Variants in KIF6 observed in about 807,000 individuals in gnomAD.
The protein encoded by KIF6 is kinesin-like protein KIF6.
Under a neutral mutation model 112.7 loss-of-function variants are expected in KIF6, and 106 were observed. The observed-to-expected ratio is 0.94, with a 90% CI of 0.80 to 1.11. The LOEUF (loss-of-function observed/expected upper bound fraction) is 1.11. Among genes scored for constraint, KIF6 ranks in the 50% least tolerant of loss-of-function variants. KIF6 has a pLI of 0.00. For synonymous variants in KIF6, 339 were observed against 339.9 expected (o/e 1.00, Z 0.03); for missense variants, 929 against 964.0 (o/e 0.96, Z 0.48).
intron 4 of KIF6, among the ~76,000 whole-genome samples, chr6:39,637,801 G>A (rs1280093079): frequency 6.6e-6 from 1 of 152,002 alleles, no homozygotes; most frequent in Admixed American, 6.6e-5. Flanking sequence ...ATGAAAATAT[G>A]TTCATTTACA....
chr6:39,568,051 A>G (rs1780409016), intron 10 of KIF6, among the ~76,000 whole-genome samples: 1 of 152,208 alleles, frequency 6.6e-6, no homozygotes, highest in African/African-American at 2.4e-5. Context: ...CATGCAACAA[A>G]TATTTACTAC....
chr6:39,631,271 T>C (rs939381421), intron 5 of KIF6, among the ~76,000 whole-genome samples: 8 of 152,020 alleles, frequency 5.3e-5, no homozygotes. Context: ...ACAATATGTA[T>C]GTCTTTTCTT....
At chr6:39,353,029 GT>G (rs367795762) in intron 19 of KIF6, among the ~76,000 whole-genome samples, 2 of 150,842 alleles carry the variant, frequency 1.3e-5, no homozygotes, top group Non-Finnish European at 1.5e-5. Context: ...ATCATATTCT[GT>G]TTTTTTTTGT....
chr6:39,674,880 T>A (rs1348507297), intron 3 of KIF6, among the ~76,000 whole-genome samples: 1 of 149,144 alleles, frequency 6.7e-6, no homozygotes, highest in African/African-American at 2.5e-5. Flanking sequence ...CAATAACAAT[T>A]TTAAAAAGTA....
chr6:39,600,714 A>G (rs1043659877), intron 6 of KIF6, among the ~76,000 whole-genome samples: 1 of 152,106 alleles, frequency 6.6e-6, no homozygotes, highest in Admixed American at 6.6e-5. Flanking sequence ...TATGGTGACC[A>G]TATTTCCTCC....
At chr6:39,352,911 C>T (rs970032322) in intron 19 of KIF6, among the ~76,000 whole-genome samples, 2 of 152,206 alleles carry the variant, frequency 1.3e-5, no homozygotes, top group African/African-American at 4.8e-5. Context: ...GACTTGATAG[C>T]TGAATAATAT....
chr6:39,454,812 C>T (rs1219352741), intron 13 of KIF6, among the ~76,000 whole-genome samples: 2 of 151,998 alleles, frequency 1.3e-5, no homozygotes, highest in Non-Finnish European at 2.9e-5. Context: ...CTTTTCAGAC[C>T]GGCTTAAAAA....
intron 3 of KIF6, chr6:39,690,243 A>C (rs954096736): frequency 3.3e-5 from 5 of 152,172 alleles, no homozygotes; most frequent in African/African-American, 7.2e-5. Flanking sequence ...TTTCAATAAT[A>C]TATTATAGTG....
chr6:39,524,690 C>T (rs1438474556), intron 13 of KIF6, among the ~76,000 whole-genome samples: 1 of 152,198 alleles, frequency 6.6e-6, no homozygotes, highest in African/African-American at 2.4e-5. Context: ...AAGGCCTGCC[C>T]AGCTCCAGAG....
chr6:39,432,656 G>A (rs1320544944), intron 13 of KIF6, among the ~76,000 whole-genome samples: 1 of 152,138 alleles, frequency 6.6e-6, no homozygotes, highest in Non-Finnish European at 1.5e-5. Flanking sequence ...CTGGGAATCC[G>A]CTTGTGTGAG....
intron 3 of KIF6, among the ~76,000 whole-genome samples, chr6:39,661,230 G>A (rs1485844398): frequency 6.6e-6 from 1 of 152,160 alleles, no homozygotes; most frequent in East Asian, 1.9e-4. Flanking sequence ...TAAATGGTTA[G>A]GCTCAATTCT....
chr6:39,337,233 T>TTCTC (rs1281406387), intron 22 of KIF6, among the ~76,000 whole-genome samples: 1 of 114,364 alleles, frequency 8.7e-6, no homozygotes, highest in East Asian at 2.4e-4. Context: ...CTTTCTTTCT[T>TTCTC]TCTTTTTCTT....
At chr6:39,542,475 G>C (rs1169864237) in intron 12 of KIF6, among the ~76,000 whole-genome samples, 1 of 152,126 alleles carries the variant, frequency 6.6e-6, no homozygotes, top group Non-Finnish European at 1.5e-5. Flanking sequence ...ACTGTCTTTT[G>C]TGAAACTCAA....
In KIF6 at chr6:39,684,104, G is replaced by C. The variant is rs536374299; in HGVS notation, c.251+30588C>G. Among the ~76,000 whole-genome samples the C allele has an allele frequency of 2.6e-5, 4 of 152,308 alleles. No individual in the cohort carries two copies. The East Asian group carries it at 5.8e-4, about 22-fold the overall frequency. On this transcript the variant is annotated intron_variant, in intron 3 of 22. Coordinates refer to ENST00000287152, the MANE Select transcript of KIF6 (RefSeq NM_145027.6). ...TTGTGTTTCCACTGTGTTCAATCTA[G>C]GGGTATGGTAGCTGAAGGCTGCTAG...
At chr6:39,611,704 C>T (rs1171250854) in intron 6 of KIF6, among the ~76,000 whole-genome samples, 2 of 152,120 alleles carry the variant, frequency 1.3e-5, no homozygotes, top group Non-Finnish European at 2.9e-5. Flanking sequence ...GGACAGGACC[C>T]ATTTCTATTC....
At chr6:39,649,665 G>A (rs1204984669) in intron 3 of KIF6, among the ~76,000 whole-genome samples, 5 of 151,708 alleles carry the variant, frequency 3.3e-5, no homozygotes, top group South Asian at 2.1e-4. Context: ...ATGGAATGTT[G>A]AGTTTTGCAA....
At chr6:39,441,434 T>C (rs1771916765) in intron 13 of KIF6, among the ~76,000 whole-genome samples, 1 of 152,216 alleles carries the variant, frequency 6.6e-6, no homozygotes, top group South Asian at 2.1e-4. Flanking sequence ...TGGTCTCCCC[T>C]GGAGAGCAGC....
intron 10 of KIF6, among the ~76,000 whole-genome samples, chr6:39,567,631 G>A (rs1213918410): frequency 1.4e-5 from 2 of 146,056 alleles, no homozygotes; most frequent in Admixed American, 6.8e-5. Context: ...TTTTTGAGAC[G>A]GAGTCTCGCT....
chr6:39,434,716 C>T (rs1461383172), intron 13 of KIF6, among the ~76,000 whole-genome samples: 2 of 152,010 alleles, frequency 1.3e-5, no homozygotes, highest in Non-Finnish European at 1.5e-5. Flanking sequence ...GGACTCTCAG[C>T]GAGAGTGGGA....
Sources: allele counts gnomAD v4.1 joint callset (sites outside exome capture counted in the v4.1 genomes callset), GRCh38; gene constraint gnomAD v4.1.1; transcripts MANE v1.5; gene names NCBI Gene and HGNC (gene_info 2026-07-23, HGNC 2026-07-21).